Variants in SNCAIP observed in about 807,000 individuals in gnomAD.
SNCAIP encodes synuclein alpha interacting protein.
In SNCAIP, 43 loss-of-function variants were observed where a neutral mutation model predicts 86.7. The ratio of observed to expected loss-of-function variants is 0.50; its 90% CI spans 0.39 to 0.64. The LOEUF is 0.64. SNCAIP is among the 30% of genes least tolerant of loss of function. The pLI is 0.00. For missense variants in SNCAIP, 981 were observed against 1,103.1 expected (o/e 0.89, Z 1.57); for synonymous variants, 417 against 427.2 (o/e 0.98, Z 0.29).
chr5:122,365,593 C>T (rs1464479193), intron 1 of SNCAIP, among the ~76,000 whole-genome samples: 4 of 152,150 alleles, frequency 2.6e-5, no homozygotes, highest in Non-Finnish European at 2.9e-5. Flanking sequence ...GCAGGAGAAT[C>T]GCTTGAGCCT....
intron 3 of SNCAIP, among the ~76,000 whole-genome samples, chr5:122,412,588 A>G (rs958586089): frequency 6.6e-6 from 1 of 152,050 alleles, no homozygotes; most frequent in Non-Finnish European, 1.5e-5. Flanking sequence ...ATGGAACTAA[A>G]TATTTAATAG....
At chr5:122,394,491 T>C (rs1020729834) in intron 2 of SNCAIP, among the ~76,000 whole-genome samples, 3 of 152,178 alleles carry the variant, frequency 2.0e-5, no homozygotes, top group Admixed American at 2.0e-4. Context: ...AATCCTGCCA[T>C]CTAAAAGGGC....
At chr5:122,376,877 C>T (rs1487327237) in intron 1 of SNCAIP, among the ~76,000 whole-genome samples, 1 of 152,088 alleles carries the variant, frequency 6.6e-6, no homozygotes, top group Non-Finnish European at 1.5e-5. Context: ...TTGTCAATGC[C>T]ATCTCAGACT....
chr5:122,415,668 G>C (rs304393), intron 3 of SNCAIP, among the ~76,000 whole-genome samples: 65,189 of 152,008 alleles, frequency 0.43, 14,207 homozygotes, highest in East Asian at 0.64. Flanking sequence ...CTTTGTCCTT[G>C]ACGGTAGATC....
At chr5:122,372,264 T>G (rs1764424611) in intron 1 of SNCAIP, among the ~76,000 whole-genome samples, 1 of 152,144 alleles carries the variant, frequency 6.6e-6, no homozygotes, top group Admixed American at 6.6e-5. Context: ...CTAAAAGAGC[T>G]CTCCTCCGAA....
intron 2 of SNCAIP, among the ~76,000 whole-genome samples, chr5:122,395,550 G>A (rs912792487): frequency 6.6e-6 from 1 of 152,098 alleles, no homozygotes; most frequent in Non-Finnish European, 1.5e-5. Context: ...TTCCTAAGGT[G>A]CTTGAACCAC....
chr5:122,444,760 C>T (rs777013269), intron 8 of SNCAIP, 28 bp downstream of exon 8: 2 of 1,588,994 alleles, frequency 1.3e-6, no homozygotes, highest in South Asian at 2.2e-5. Context: ...TCCATGAGAA[C>T]CAAGTCTAAC....
intron 1 of SNCAIP, among the ~76,000 whole-genome samples, chr5:122,361,524 C>T (rs1271183212): frequency 2.6e-5 from 4 of 152,170 alleles, no homozygotes; most frequent in Non-Finnish European, 4.4e-5. Context: ...AGAGATGATA[C>T]TTGTAAGCAG....
chr5:122,339,255 A>G (rs888414313), intron 1 of SNCAIP, among the ~76,000 whole-genome samples: 1 of 152,210 alleles, frequency 6.6e-6, no homozygotes, highest in Admixed American at 6.5e-5. Flanking sequence ...GGCTGCATGT[A>G]GCCTGTAAAC....
At position 122,347,032 on chromosome 5, in the gene SNCAIP, G is replaced by A. The variant is rs150349712; in HGVS notation, c.-47+34748G>A. On this transcript the variant is annotated intron_variant, in intron 1 of 10. Coordinates refer to ENST00000261368, the MANE Select transcript of SNCAIP (RefSeq NM_005460.4). ...TATATTACCAAATAATTAAAACATCGTTGAGGCAAGCTTTCTAGGAGTGAT... is the reference window on the plus strand; with the variant it reads ...TATATTACCAAATAATTAAAACATCATTGAGGCAAGCTTTCTAGGAGTGAT... 2.4e-3 allele frequency among the ~76,000 whole-genome samples: 358 copies of A among 151,978 alleles called. 4 individuals are homozygous for A. The highest frequency in any genetic ancestry group is 8.1e-3 in the African/African-American group (334 of 41,442).
At chr5:122,363,929 C>T (rs1036445178) in intron 1 of SNCAIP, among the ~76,000 whole-genome samples, 7 of 151,928 alleles carry the variant, frequency 4.6e-5, no homozygotes, top group African/African-American at 1.5e-4. Context: ...TTCAAGCAAT[C>T]CTCCTGCCTC....
intron 5 of SNCAIP, among the ~76,000 whole-genome samples, chr5:122,427,763 T>C (rs1309973601): frequency 6.6e-6 from 1 of 152,146 alleles, no homozygotes; most frequent in African/African-American, 2.4e-5. Flanking sequence ...TTGGTACAAA[T>C]GTACAGAAGT....
At chr5:122,452,818 T>C in intron 10 of SNCAIP, 1 of 716,936 alleles carries the variant, frequency 1.4e-6, no homozygotes, top group Non-Finnish European at 2.5e-6. Flanking sequence ...ACTAAGCCAC[T>C]GTCCTCTAAT....
chr5:122,342,670 G>A (rs570098080), intron 1 of SNCAIP, among the ~76,000 whole-genome samples: 1 of 152,154 alleles, frequency 6.6e-6, no homozygotes, highest in Non-Finnish European at 1.5e-5. Context: ...TATTCTTCAG[G>A]TAACTGGTGG....
intron 1 of SNCAIP, among the ~76,000 whole-genome samples, chr5:122,355,855 A>G (rs939065558): frequency 6.6e-6 from 1 of 152,160 alleles, no homozygotes; most frequent in Non-Finnish European, 1.5e-5. Flanking sequence ...CACATAACAC[A>G]CCAACAGACA....
intron 1 of SNCAIP, among the ~76,000 whole-genome samples, chr5:122,348,059 C>G (rs923678398): frequency 6.6e-6 from 1 of 152,058 alleles, no homozygotes; most frequent in African/African-American, 2.4e-5. Flanking sequence ...GAAATGTTGA[C>G]AAATACTGAA....
At position 122,380,775 on chromosome 5, in the gene SNCAIP, T is replaced by C. The variant is rs2152815125; in HGVS notation, c.-46-10314T>C. The stretch of plus-strand genomic sequence containing the variant: ...TCGTTGGTTTCAAAGAACATCTTTA[T>C]TTCTGCCTTCATTTCGTTATGTATC... On this transcript the variant is annotated intron_variant, in intron 1 of 10. Coordinates refer to ENST00000261368, the MANE Select transcript of SNCAIP (RefSeq NM_005460.4). Among the ~76,000 whole-genome samples, 3 of 152,156 alleles carry C rather than the reference T, an allele frequency of 2.0e-5. No individual in the cohort carries two copies. In the East Asian group the frequency reaches 5.8e-4, roughly 29 times the overall value.
intron 1 of SNCAIP, among the ~76,000 whole-genome samples, chr5:122,349,456 T>C (rs1759329826): frequency 6.6e-6 from 1 of 152,206 alleles, no homozygotes; most frequent in Non-Finnish European, 1.5e-5. Flanking sequence ...AATATAGATA[T>C]GATTTGCTTC....
At chr5:122,336,028 A>T (rs745869274) in intron 1 of SNCAIP, among the ~76,000 whole-genome samples, 2 of 152,230 alleles carry the variant, frequency 1.3e-5, no homozygotes, top group Non-Finnish European at 2.9e-5. Flanking sequence ...ATCAAGAATA[A>T]TATCTGCATT....
Sources: allele counts gnomAD v4.1 joint callset (sites outside exome capture counted in the v4.1 genomes callset), GRCh38; gene constraint gnomAD v4.1.1; transcripts MANE v1.5; gene names NCBI Gene and HGNC (gene_info 2026-07-23, HGNC 2026-07-21).